DGKB: variants seen among roughly 807,000 people sequenced by gnomAD.
DGKB encodes the protein 90 kDa diacylglycerol kinase.
A neutral mutation model predicts 114.3 loss-of-function variants in DGKB; 67 were observed. That is an observed-to-expected ratio of 0.59 (90% CI 0.48 to 0.72). The LOEUF (loss-of-function observed/expected upper bound fraction) is 0.72, where lower values mean the gene tolerates loss of function less well. Among genes scored for constraint, DGKB ranks in the 30% least tolerant of loss-of-function variants. The pLI is 0.00. For synonymous variants in DGKB, 398 were observed against 323.1 expected, an observed-to-expected ratio of 1.23 and a Z score of -2.49; for missense variants, 907 against 975.2, an observed-to-expected ratio of 0.93 and a Z score of 0.93.
intron 5 of DGKB, among the ~76,000 whole-genome samples, chr7:14,729,178 AG>A (rs758767356): frequency 8.3e-5 from 11 of 132,092 alleles, no homozygotes; most frequent in Non-Finnish European, 1.5e-4. Flanking sequence ...GCTGGAGTGC[AG>A]TGGCGCCATC....
rs1794783821 is a variant in DGKB, at chr7:14,248,497, TC to T, written c.2123-70347del. 2.6e-5 allele frequency among the ~76,000 whole-genome samples: 4 copies of T among 152,274 alleles called. No individual in the cohort carries two copies. The South Asian group carries it at 8.3e-4, about 32-fold the overall frequency. On this transcript the variant is annotated intron_variant, in intron 23 of 25. Coordinates refer to ENST00000402815, the MANE Select transcript of DGKB (RefSeq NM_001350709.2). ...TACGATTCAAGAACATGGATATTTT[TC>T]CATTTATTCATGTCTTCTTGAATTT...
intron 23 of DGKB, among the ~76,000 whole-genome samples, chr7:14,318,451 A>T (rs1332522654): frequency 6.6e-6 from 1 of 152,218 alleles, no homozygotes; most frequent in Non-Finnish European, 1.5e-5. Context: ...AAAAAAACAA[A>T]CAACCCCATC....
At chr7:14,578,967 A>G (rs980944440) in intron 19 of DGKB, among the ~76,000 whole-genome samples, 8 of 152,178 alleles carry the variant, frequency 5.3e-5, no homozygotes, top group African/African-American at 1.9e-4. Context: ...CTGCTTCAGC[A>G]ACCCCACCTG....
chr7:14,642,442 C>T (rs1228069837), intron 13 of DGKB, among the ~76,000 whole-genome samples: 1 of 152,142 alleles, frequency 6.6e-6, no homozygotes, highest in Non-Finnish European at 1.5e-5. Context: ...CATAAACCAT[C>T]AGTCTGCATT....
chr7:14,862,456 T>G (rs535694188), intron 1 of DGKB, among the ~76,000 whole-genome samples: 1 of 152,112 alleles, frequency 6.6e-6, no homozygotes, highest in East Asian at 1.9e-4. Flanking sequence ...AATTTATGTT[T>G]ATTTAGTGGT....
chr7:14,392,995 G>GTTTTTGTTTTTTTTTTTTGTTT, intron 21 of DGKB, among the ~76,000 whole-genome samples: 5 of 60,546 alleles, frequency 8.3e-5, no homozygotes, highest in Non-Finnish European at 1.4e-4. Context: ...TTTTGTTTTT[G>GTTTTTGTTTTTTTTTTTTGTTT]TTTTTTTTTT....
chr7:14,835,462 T>G (rs77200952), intron 2 of DGKB, among the ~76,000 whole-genome samples: 39 of 152,338 alleles, frequency 2.6e-4, no homozygotes, highest in African/African-American at 9.1e-4. Context: ...CATCAAATTA[T>G]GTGTTCTCAG....
intron 12 of DGKB, 54 bp downstream of exon 12, chr7:14,682,499 T>C (rs1821005757): frequency 2.5e-6 from 3 of 1,195,590 alleles, no homozygotes; most frequent in African/African-American, 3.0e-5. Context: ...GAGTATGATA[T>C]ACACGTCTTC....
intron 12 of DGKB, among the ~76,000 whole-genome samples, chr7:14,680,626 A>T (rs1199316849): frequency 6.6e-6 from 1 of 152,034 alleles, no homozygotes; most frequent in African/African-American, 2.4e-5. Flanking sequence ...GGAATATAAT[A>T]CAAGGAAAGG....
intron 20 of DGKB, among the ~76,000 whole-genome samples, chr7:14,563,188 C>T (rs1034293759): frequency 6.6e-6 from 1 of 152,130 alleles, no homozygotes; most frequent in African/African-American, 2.4e-5. Context: ...GAGGCCTCCC[C>T]AGCCATGTGA....
chr7:14,382,171 T>C (rs1819581783), intron 21 of DGKB, among the ~76,000 whole-genome samples: 1 of 152,168 alleles, frequency 6.6e-6, no homozygotes, highest in Non-Finnish European at 1.5e-5. Flanking sequence ...AGTAGCTGCA[T>C]GTAGATGCAG....
At position 14,645,409 on chromosome 7, in the gene DGKB, G is replaced by A. The variant is rs564728101; in HGVS notation, c.1135-15141C>T. The stretch of plus-strand genomic sequence containing the variant: ...TAAAAGAGTGGTAATATTCTCTGCC[G>A]CTCGCCGAACAACAGGACAGAAAAA... On this transcript the variant is annotated intron_variant, in intron 13 of 25. Transcript: ENST00000402815. 1.8e-4 allele frequency among the ~76,000 whole-genome samples: 27 copies of A among 152,042 alleles called. No homozygotes were observed. In the East Asian group the frequency reaches 3.7e-3, roughly 21 times the overall value.
intron 17 of DGKB, among the ~76,000 whole-genome samples, chr7:14,587,767 C>G (rs7779648): frequency 0.078 from 11,834 of 152,092 alleles, 980 homozygotes; most frequent in African/African-American, 0.21. Context: ...TGGAGGCTCA[C>G]ATGATTGTTA....
intron 1 of DGKB, among the ~76,000 whole-genome samples, chr7:14,893,557 C>T (rs970794982): frequency 6.6e-6 from 1 of 151,308 alleles, no homozygotes; most frequent in African/African-American, 2.4e-5. Context: ...CTTCATTCCC[C>T]ATCTATGCCA....
chr7:14,919,447 A>G (rs148823728), intron 1 of DGKB, among the ~76,000 whole-genome samples: 45 of 152,344 alleles, frequency 3.0e-4, no homozygotes, highest in African/African-American at 1.0e-3. Flanking sequence ...ATACATGTAG[A>G]AACCTATACA....
rs1821048879 is a variant in DGKB, at chr7:14,682,738, T to C, written c.918+15A>G. 3 of 1,611,286 alleles carry C rather than the reference T, an allele frequency of 1.9e-6. No individual in the cohort carries two copies. Among genetic ancestry groups the C allele is most frequent in the Non-Finnish European group, 2.5e-6 (3 of 1,177,704 alleles). ...AATGGCCACCTTCAGAAAGCAAGCA[T>C]GCACACAAACTTACATCAGTGTTCC... is the stretch of plus-strand genomic sequence containing the variant. On this transcript the variant is annotated intron_variant, in intron 11 of 25. Coordinates refer to ENST00000402815, the MANE Select transcript of DGKB (RefSeq NM_001350709.2).
intron 1 of DGKB, among the ~76,000 whole-genome samples, chr7:14,909,571 G>A (rs552181607): frequency 3.3e-5 from 5 of 152,122 alleles, no homozygotes; most frequent in African/African-American, 1.2e-4. Flanking sequence ...TAAAACTGAG[G>A]TTTCTTGGCT....
rs115043313 is a variant in DGKB at position 14,862,465 on chromosome 7, G to A, written c.-187-21015C>T. On this transcript the variant is annotated intron_variant, in intron 1 of 25. Transcript: ENST00000402815. ...TTTTAGAATTTATGTTTATTTAGTG[G>A]TTATAACAACTTTCTGGGTGAGGTA... Among the ~76,000 whole-genome samples, 338 of 152,022 alleles carry A rather than the reference G, an allele frequency of 2.2e-3. 1 individual carries two copies. The highest frequency in any genetic ancestry group is 8.0e-3 in the African/African-American group (333 of 41,492).
intron 6 of DGKB, among the ~76,000 whole-genome samples, chr7:14,713,853 G>A (rs1301868679): frequency 6.6e-6 from 1 of 151,742 alleles, no homozygotes; most frequent in Non-Finnish European, 1.5e-5. Context: ...GGAAATGTAA[G>A]ATAATATAAA....
Sources: gnomAD v4.1 joint callset for allele counts (sites outside exome capture counted in the v4.1 genomes callset) on GRCh38, gnomAD v4.1.1 for gene constraint, MANE v1.5 for transcripts, NCBI Gene and HGNC (gene_info 2026-07-23, HGNC 2026-07-21) for gene names.